SLC35F6: variants seen among roughly 807,000 people sequenced by gnomAD.
SLC35F6 encodes ANT2-binding protein.
Under a neutral mutation model 29.4 loss-of-function variants are expected in SLC35F6, and 26 were observed. The observed-to-expected ratio is 0.89, with a 90% confidence interval of 0.65 to 1.23. SLC35F6 has a LOEUF of 1.23. Among genes scored for constraint, SLC35F6 ranks in the 50% most tolerant of loss-of-function variants. The probability of loss-of-function intolerance (pLI) is 0.00; values close to 1 mark genes in which losing one functional copy is unlikely to be tolerated. For synonymous variants in SLC35F6, 174 were observed against 206.6 expected (o/e 0.84, Z 1.35); for missense variants, 428 against 487.8 (o/e 0.88, Z 1.15).
intron 1 of SLC35F6, among the ~76,000 whole-genome samples, 190 bp downstream of exon 1, chr2:26,764,616 G>C (rs2148053160): frequency 6.6e-6 from 1 of 152,362 alleles, no homozygotes. Context: ...GCCCCGGACG[G>C]GGGGATCCGA....
At position 26,775,101 on chromosome 2, in the gene SLC35F6, T is replaced by C. The variant is rs930990221; in HGVS notation, c.208T>C (p.Cys70Arg). The change falls in exon 3 of 6, where the codon TGC becomes CGC. Residue 70 changes from cysteine (C) to arginine (R), a missense_variant. Physicochemically the swap from Cys to Arg is radical, Grantham distance 180. Transcript: ENST00000344420. The surrounding 1 kb of genome is among the most constrained non-coding windows in gnomAD (Gnocchi z 4.6). The part of the protein sequence containing the change: ...SCLAAFYLLR[C>R]RAAGQSDSSV... ...CCTGGCTGCCTTCTACCTCCTCCGA[T>C]GCAGAGCTGCAGGGCAATCAGACTC... The C allele has an allele frequency of 1.7e-5, 27 of 1,614,132 alleles. No individual in the cohort carries two copies. The highest frequency in any genetic ancestry group is 2.2e-5 in the South Asian group (2 of 91,074).
At position 26,778,669 on chromosome 2, in the gene SLC35F6, C is replaced by T. The variant is rs778336134; in HGVS notation, c.*158C>T. 3 of 690,082 alleles carry T rather than the reference C, an allele frequency of 4.3e-6. No individual in the cohort carries two copies. Among genetic ancestry groups the T allele is most frequent in the Non-Finnish European group, 7.1e-6 (3 of 423,806 alleles). 42.7% of individuals were successfully genotyped at this position (690,082 alleles called of 1,614,324 possible). ...GCTGCTGCCACAGAAGATAACAACA[C>T]CCAAGTCCTCTTTTTCTCACTACCA... On this transcript the variant is annotated 3_prime_UTR_variant, in exon 6 of 6. Coordinates refer to ENST00000344420, the MANE Select transcript of SLC35F6 (RefSeq NM_017877.4).
Position 26,778,622 on chromosome 2 carries a change from TC to T in SLC35F6, c.*114del, listed in dbSNP as rs1260629068. 3 of 1,061,224 alleles carry T rather than the reference TC, an allele frequency of 2.8e-6. No homozygotes were observed. The highest frequency in any genetic ancestry group is 1.3e-6 in the Non-Finnish European group (1 of 758,096). The allele number at this position is 1,061,224 out of a possible 1,614,324, so 65.7% of individuals were successfully genotyped here. On this transcript the variant is annotated 3_prime_UTR_variant, in exon 6 of 6. Coordinates refer to ENST00000344420, the MANE Select transcript of SLC35F6 (RefSeq NM_017877.4). ...ATCCCCAAGGCCTCACCCTGTCCCC[TC>T]CCTGCAGAACCCCCAGGGCAGCTGC...
chr2:26,777,155 C>G (rs1179456334), intron 5 of SLC35F6, among the ~76,000 whole-genome samples: 1 of 152,188 alleles, frequency 6.6e-6, no homozygotes, highest in Non-Finnish European at 1.5e-5. Context: ...GCCGAGATTG[C>G]GCCACCGCAC....
intron 1 of SLC35F6, among the ~76,000 whole-genome samples, chr2:26,772,372 G>A (rs1180469064): frequency 6.6e-6 from 1 of 152,196 alleles, no homozygotes; most frequent in African/African-American, 2.4e-5. Flanking sequence ...TCAAGGAAAG[G>A]CATTTAATAA....
chr2:26,777,440 C>G (rs185912148), intron 5 of SLC35F6, among the ~76,000 whole-genome samples: 2 of 152,332 alleles, frequency 1.3e-5, no homozygotes, highest in Non-Finnish European at 2.9e-5. Context: ...GGGAGCAGCT[C>G]TTGTCTGGCC....
In SLC35F6 at chr2:26,775,599, C is replaced by G; in HGVS notation, c.458C>G (p.Ala153Gly). The G allele has an allele frequency of 1.2e-6, 2 of 1,607,610 alleles. No homozygotes were observed. The highest frequency in any genetic ancestry group is 1.7e-6 in the Non-Finnish European group (2 of 1,179,148). ...SQWLGILATI[A>G]GLVVVGLADL... ...TGGCTGGGCATCCTAGCCACCATCG[C>G]GGGGCTGGTGGTCGTGGGCCTGGCT... The change falls in exon 4 of 6, where the codon GCG becomes GGG. Residue 153 changes from alanine (A) to glycine (G), a missense_variant. Transcript: ENST00000344420. The surrounding 1 kb of genome is among the most constrained non-coding windows in gnomAD (Gnocchi z 4.6).
chr2:26,771,196 A>T (rs112109342), intron 1 of SLC35F6, among the ~76,000 whole-genome samples: 2 of 152,330 alleles, frequency 1.3e-5, no homozygotes, highest in African/African-American at 4.8e-5. Context: ...GGGGAAGGAC[A>T]GGCCCCGAGG....
intron 1 of SLC35F6, among the ~76,000 whole-genome samples, chr2:26,769,163 A>AGCCC (rs1444451780): frequency 6.6e-6 from 1 of 152,242 alleles, no homozygotes; most frequent in African/African-American, 2.4e-5. Flanking sequence ...TGCCCAAGCC[A>AGCCC]GCCCCATCGC....
intron 1 of SLC35F6, among the ~76,000 whole-genome samples, chr2:26,770,090 G>A (rs1271537391): frequency 1.3e-5 from 2 of 152,264 alleles, no homozygotes; most frequent in Non-Finnish European, 1.5e-5. Context: ...TCCCCATGAA[G>A]TGTCCTATGA....
chr2:26,764,392 C>G lies in SLC35F6; in HGVS notation c.43C>G (p.Leu15Val), dbSNP rs1664056501. 1 of 1,551,150 alleles carries G rather than the reference C, an allele frequency of 6.4e-7. No individual in the cohort carries two copies. Among genetic ancestry groups the G allele is most frequent in the Non-Finnish European group, 8.7e-7 (1 of 1,146,872 alleles). Reference sequence around the variant, plus strand: ...CCAGCTGTTCCTGGCCGGGCTCATGCTTGTTACCGGCTCCATCAACACGCT... The same window carrying G: ...CCAGCTGTTCCTGGCCGGGCTCATGGTTGTTACCGGCTCCATCAACACGCT... ...KYQLFLAGLM[L>V]VTGSINTLSA... The change falls in exon 1 of 6, where the codon CTT (leucine) becomes GTT (valine). Residue 15 changes from leucine to valine, a missense_variant. Coordinates refer to ENST00000344420, the MANE Select transcript of SLC35F6 (RefSeq NM_017877.4).
chr2:26,778,090 A>G lies in SLC35F6; in HGVS notation c.695A>G (p.Tyr232Cys), dbSNP rs1423025851. The G allele has an allele frequency of 3.1e-6, 5 of 1,613,856 alleles. No homozygotes were observed. In the African/African-American group the frequency reaches 5.3e-5, roughly 17 times the overall value. Reference sequence around the variant, plus strand: ...TCCCTGCTGCTGGTGCCCATGTACTACATCCCCGCCGGCTCCTTCAGCGGA... The same window carrying G: ...TCCCTGCTGCTGGTGCCCATGTACTGCATCCCCGCCGGCTCCTTCAGCGGA... ...ILSLLLVPMY[Y>C]IPAGSFSGNP... Residue 232 changes from tyrosine to cysteine, a missense_variant, in exon 6 of 6, where the codon TAC (tyrosine) becomes TGC (cysteine). By Grantham distance (194) the Tyr-to-Cys change is radical (BLOSUM62 -2). Transcript: ENST00000344420.
chr2:26,774,454 T>A, intron 2 of SLC35F6, 131 bp downstream of exon 2: 1 of 966,358 alleles, frequency 1.0e-6, no homozygotes, highest in Non-Finnish European at 1.5e-6. Context: ...GCCATCCACT[T>A]CTCTCTTTCC....
intron 1 of SLC35F6, among the ~76,000 whole-genome samples, chr2:26,767,835 C>T (rs1346235616): frequency 2.6e-5 from 4 of 152,142 alleles, no homozygotes; most frequent in African/African-American, 7.2e-5. Flanking sequence ...AGGGAGACCT[C>T]GTTCTCTACA....
At chr2:26,777,782 G>A (rs1335008149) in intron 5 of SLC35F6, among the ~76,000 whole-genome samples, 2 of 151,130 alleles carry the variant, frequency 1.3e-5, no homozygotes, top group East Asian at 1.9e-4. Context: ...CTGTGCACAC[G>A]TGTACTGGGT....
rs369314823 is a variant in SLC35F6 at position 26,773,199 on chromosome 2, G to A, written c.78-1052G>A. Among the ~76,000 whole-genome samples the A allele has an allele frequency of 2.0e-5, 3 of 152,240 alleles. No individual in the cohort carries two copies. In the East Asian group the frequency reaches 5.8e-4, roughly 29 times the overall value. On this transcript the variant is annotated intron_variant, in intron 1 of 5. Transcript: ENST00000344420. ...TTCTTACAGTAATGTTTTAAAACGT[G>A]TAAATAAGACCAAGGATTGGGCCAG...
At position 26,779,064 on chromosome 2, in the gene SLC35F6, C is replaced by T. The variant is rs1357406240; in HGVS notation, c.*553C>T. 6.6e-6 allele frequency: 1 copy of T among 152,390 alleles called. No homozygotes were observed. Among genetic ancestry groups the T allele is most frequent in the Non-Finnish European group, 1.5e-5 (1 of 68,380 alleles). 9.4% of individuals were successfully genotyped at this position (152,390 alleles called of 1,614,324 possible). A position where few individuals can be genotyped will look rare whatever the true frequency, so the allele number is the denominator to read the frequency against. ...CAAATGATTCTCCTGCCTCAGCCTC[C>T]CGAGTAGCTGGGATTACAGGTGCAT... On this transcript the variant is annotated 3_prime_UTR_variant, in exon 6 of 6. Coordinates refer to ENST00000344420, the MANE Select transcript of SLC35F6 (RefSeq NM_017877.4).
chr2:26,770,115 G>A (rs1664167715), intron 1 of SLC35F6, among the ~76,000 whole-genome samples: 1 of 152,162 alleles, frequency 6.6e-6, no homozygotes, highest in Non-Finnish European at 1.5e-5. Context: ...TGCATTTAAG[G>A]AAACATGGGC....
In SLC35F6 at chr2:26,775,318, T is replaced by G; in HGVS notation, c.322+103T>G. The G allele has an allele frequency of 1.3e-6, 2 of 1,528,748 alleles. No homozygotes were observed. The highest frequency in any genetic ancestry group is 1.8e-6 in the Non-Finnish European group (2 of 1,132,882). 94.7% of individuals were successfully genotyped at this position (1,528,748 alleles called of 1,614,324 possible). A position where few individuals can be genotyped will look rare whatever the true frequency, so the allele number is the denominator to read the frequency against. ...CACCCACCTCCACTTCATCCCACCA[T>G]TCCCCCAGACTTCACACGCACAGGC... On this transcript the variant is annotated intron_variant, in intron 3 of 5. Transcript: ENST00000344420. The surrounding 1 kb of genome is among the most constrained non-coding windows in gnomAD (Gnocchi z 4.6).
Sources: allele counts gnomAD v4.1 joint callset (sites outside exome capture counted in the v4.1 genomes callset), GRCh38; gene constraint gnomAD v4.1.1; non-coding constraint Gnocchi (gnomAD v3.1); transcripts MANE v1.5; gene names NCBI Gene and HGNC (gene_info 2026-07-23, HGNC 2026-07-21).